ZNF343: variants seen among roughly 807,000 people sequenced by gnomAD.
The protein encoded by ZNF343 is zinc finger protein 343.
A neutral mutation model predicts 13.8 loss-of-function variants in ZNF343; 11 were observed. The ratio of observed to expected loss-of-function variants is 0.80; its 90% CI spans 0.50 to 1.32. ZNF343 has a LOEUF of 1.32. Among genes scored for constraint, ZNF343 ranks in the 40% most tolerant of loss-of-function variants. The probability of loss-of-function intolerance (pLI) is 0.00; values close to 1 mark genes in which losing one functional copy is unlikely to be tolerated. For synonymous variants in ZNF343, 248 were observed against 260.0 expected, an observed-to-expected ratio of 0.95 and a Z score of 0.44; for missense variants, 658 against 714.2, an observed-to-expected ratio of 0.92 and a Z score of 0.90.
At chr20:2,506,783 C>T (rs1339693542) in intron 1 of ZNF343, among the ~76,000 whole-genome samples, 2 of 151,888 alleles carry the variant, frequency 1.3e-5, no homozygotes, top group East Asian at 1.9e-4. Context: ...CATCACACCC[C>T]GGGGCCTGTT....
At chr20:2,503,666 C>T (rs1483604196) in intron 1 of ZNF343, among the ~76,000 whole-genome samples, 6 of 152,210 alleles carry the variant, frequency 3.9e-5, no homozygotes, top group Admixed American at 2.0e-4. Flanking sequence ...CACTCAAAAC[C>T]GCTCAACTAC....
At position 2,482,680 on chromosome 20, in the gene ZNF343, G is replaced by A. The variant is rs934165212; in HGVS notation, c.*481C>T. 129 of 166,268 alleles carry A rather than the reference G, an allele frequency of 7.8e-4. No individual in the cohort carries two copies. The highest frequency in any genetic ancestry group is 2.9e-3 in the African/African-American group (123 of 41,696). 10.3% of individuals were successfully genotyped at this position (166,268 alleles called of 1,614,324 possible). ...GGTCATCTGGGCAGAGCTCCACAGT[G>A]TCCCCACATGCAGATTCTCCCTGTG... On this transcript the variant is annotated 3_prime_UTR_variant, in exon 6 of 6. Transcript: ENST00000278772.
chr20:2,499,685 A>C (rs2085527956), intron 2 of ZNF343, among the ~76,000 whole-genome samples: 1 of 152,050 alleles, frequency 6.6e-6, no homozygotes, highest in Non-Finnish European at 1.5e-5. Flanking sequence ...CTCCATCACT[A>C]ATTAGAAGGA....
chr20:2,524,933 G>A (rs368648085), upstream of ZNF343, among the ~76,000 whole-genome samples: 39 of 152,298 alleles, frequency 2.6e-4, no homozygotes, highest in East Asian at 7.0e-3. Context: ...CAAGGTCCCG[G>A]CTCTCCATTC....
At chr20:2,497,276 G>C (rs1043366108) in intron 2 of ZNF343, among the ~76,000 whole-genome samples, 5 of 152,178 alleles carry the variant, frequency 3.3e-5, no homozygotes, top group Non-Finnish European at 7.3e-5. Context: ...CATATAGATG[G>C]ATTTAAAGTC....
At chr20:2,520,261 A>G (rs530181099) in intron 1 of ZNF343, among the ~76,000 whole-genome samples, 2 of 152,326 alleles carry the variant, frequency 1.3e-5, no homozygotes, top group Non-Finnish European at 2.9e-5. Context: ...TGAAGTTTAT[A>G]TATCATTTAT....
intron 2 of ZNF343, among the ~76,000 whole-genome samples, chr20:2,499,486 A>G (rs1306416226): frequency 4.0e-4 from 59 of 147,142 alleles, no homozygotes; most frequent in South Asian, 1.9e-3. Context: ...AAAAAAAAAA[A>G]AAAAAGAAAA....
chr20:2,516,096 G>C (rs2085758031), intron 1 of ZNF343, among the ~76,000 whole-genome samples: 1 of 152,076 alleles, frequency 6.6e-6, no homozygotes, highest in Admixed American at 6.6e-5. Flanking sequence ...GTGAGGTTGA[G>C]AATTAGGGTG....
chr20:2,490,542 TG>T (rs371891467), intron 5 of ZNF343, among the ~76,000 whole-genome samples: 22 of 149,832 alleles, frequency 1.5e-4, no homozygotes, highest in East Asian at 1.9e-4. Flanking sequence ...TTTTGGTTTT[TG>T]TTTTTTTTTT....
rs551058699 is a variant in ZNF343, at chr20:2,499,870, G to C, written c.-150+786C>G. On this transcript the variant is annotated intron_variant, in intron 2 of 5. Transcript: ENST00000278772. ...CCCTCTTATAGTTCTTACCTGAATT[G>C]TTAAGTGTGTACAGTTTGAACTAAG... Among the ~76,000 whole-genome samples the C allele has an allele frequency of 4.6e-5, 7 of 152,328 alleles. No individual in the cohort carries two copies. In the South Asian group the frequency reaches 1.4e-3, roughly 32 times the overall value.
At chr20:2,521,315 A>C (rs1321846936) in intron 1 of ZNF343, among the ~76,000 whole-genome samples, 1 of 152,210 alleles carries the variant, frequency 6.6e-6, no homozygotes, top group East Asian at 1.9e-4. Flanking sequence ...TCTGGGGCAG[A>C]AAGTGGAAAC....
In ZNF343 at chr20:2,484,467, A is replaced by C; in HGVS notation, c.494T>G (p.Phe165Cys). 3.7e-6 allele frequency: 6 copies of C among 1,614,138 alleles called. No individual in the cohort carries two copies. Among genetic ancestry groups the C allele is most frequent in the Non-Finnish European group, 4.2e-6 (5 of 1,180,028 alleles). The stretch of plus-strand genomic sequence containing the variant: ...TCTCTCCTGACCTTCTGCATTTTCA[A>C]ACCAACAGCTTACATGGGAATACTG... Reference protein sequence around the residue: ...GQQYSHVSCWFENAEGQERGG... With the variant: ...GQQYSHVSCWCENAEGQERGG... The change falls in exon 6 of 6, where the codon TTT (phenylalanine) becomes TGT (cysteine). Residue 165 changes from phenylalanine to cysteine, a missense_variant. By Grantham distance (205) the Phe-to-Cys change is radical. Transcript: ENST00000278772.
chr20:2,521,177 C>T (rs1028899166), intron 1 of ZNF343, among the ~76,000 whole-genome samples: 1 of 152,032 alleles, frequency 6.6e-6, no homozygotes, highest in East Asian at 1.9e-4. Flanking sequence ...TAACCTCTGG[C>T]GTTGAAATCC....
intron 3 of ZNF343, 53 bp from the exon 4 acceptor site, chr20:2,493,630 C>A: frequency 1.1e-6 from 1 of 945,766 alleles, no homozygotes; most frequent in Non-Finnish European, 1.5e-6. Context: ...CCCCCCACCC[C>A]CCACCATGAC....
intron 1 of ZNF343, among the ~76,000 whole-genome samples, chr20:2,522,794 C>A (rs2085788093): frequency 6.6e-6 from 1 of 152,074 alleles, no homozygotes; most frequent in South Asian, 2.1e-4. Flanking sequence ...ACAAAAGACA[C>A]AAAAAAATTA....
Position 2,483,823 on chromosome 20 carries a change from G to A in ZNF343, c.1138C>T (p.Pro380Ser). 1 of 1,613,920 alleles carries A rather than the reference G, an allele frequency of 6.2e-7. No individual in the cohort carries two copies. Among genetic ancestry groups the A allele is most frequent in the East Asian group, 2.2e-5 (1 of 44,860 alleles). Residue 380 changes from proline to serine, a missense_variant, in exon 6 of 6, where the codon CCC becomes TCC. By Grantham distance (74) the Pro-to-Ser change is moderately conservative. Coordinates refer to ENST00000278772, the MANE Select transcript of ZNF343 (RefSeq NM_024325.6). Reference sequence around the variant, plus strand: ...CGTCCACACTCCAGGCACACATAGGGTTTCTCACCGGAGTGTGTCCTCTGG... The same window carrying A: ...CGTCCACACTCCAGGCACACATAGGATTTCTCACCGGAGTGTGTCCTCTGG... ...RHQRTHSGEKPYVCLECGRSF... is the reference protein window; with the variant it reads ...RHQRTHSGEKSYVCLECGRSF...
intron 5 of ZNF343, among the ~76,000 whole-genome samples, chr20:2,488,874 G>T (rs2085322431): frequency 6.6e-6 from 1 of 152,064 alleles, no homozygotes; most frequent in Non-Finnish European, 1.5e-5. Context: ...GCAAAACCCT[G>T]CCTCTACTAA....
chr20:2,501,252 G>A (rs910191023), intron 1 of ZNF343, among the ~76,000 whole-genome samples: 2 of 152,188 alleles, frequency 1.3e-5, no homozygotes, highest in Admixed American at 6.5e-5. Context: ...GCGGCAGCGA[G>A]GCTGGGGGAG....
chr20:2,484,811 C>T (rs1047404744), intron 5 of ZNF343, among the ~76,000 whole-genome samples, 155 bp from the exon 6 acceptor site: 5 of 152,188 alleles, frequency 3.3e-5, no homozygotes, highest in African/African-American at 1.2e-4. Context: ...CTTTACATTC[C>T]ATCACATTTT....
Sources: gnomAD v4.1 joint callset for allele counts (sites outside exome capture counted in the v4.1 genomes callset) on GRCh38, gnomAD v4.1.1 for gene constraint, MANE v1.5 for transcripts, NCBI Gene and HGNC (gene_info 2026-07-23, HGNC 2026-07-21) for gene names.